The following THSD4 variants were observed in gnomAD, a reference collection of about 807,000 sequenced individuals.
THSD4 encodes the protein thrombospondin type-1 domain-containing protein 4.
Under a neutral mutation model 119.0 loss-of-function variants are expected in THSD4, and 69 were observed. The observed-to-expected ratio is 0.58, with a 90% CI of 0.48 to 0.71. THSD4 has a LOEUF of 0.71. Ranked by LOEUF, THSD4 falls within the 30% of genes least tolerant of loss-of-function variation. The pLI, the probability that THSD4 is intolerant of heterozygous loss-of-function variation, is 0.00. For synonymous variants in THSD4, 524 were observed against 540.4 expected (o/e 0.97, Z 0.42); for missense variants, 1,393 against 1,391.1 (o/e 1.00, Z -0.02).
At chr15:71,631,678 CT>C (rs1054129456) in intron 7 of THSD4, among the ~76,000 whole-genome samples, 8 of 152,220 alleles carry the variant, frequency 5.3e-5, no homozygotes, top group African/African-American at 1.9e-4. Context: ...CCCAGGAGGG[CT>C]TAGCCATCAG....
At chr15:71,682,891 TC>T (rs1567098770) in intron 8 of THSD4, among the ~76,000 whole-genome samples, 4 of 51,578 alleles carry the variant, frequency 7.8e-5, no homozygotes, top group African/African-American at 2.7e-4. Flanking sequence ...TTTCTTTCTT[TC>T]TTTCTTTCTT....
chr15:71,477,459 A>G (rs2047670075), intron 7 of THSD4, among the ~76,000 whole-genome samples: 1 of 152,226 alleles, frequency 6.6e-6, no homozygotes, highest in Admixed American at 6.5e-5. Context: ...TGCCTGGAAG[A>G]TGAAAGGACG....
chr15:71,474,226 ATT>A (rs5813635), intron 7 of THSD4, among the ~76,000 whole-genome samples: 2 of 148,564 alleles, frequency 1.3e-5, no homozygotes, highest in Admixed American at 6.7e-5. Context: ...ATTTTATTTT[ATT>A]TTTTTTTTTG....
Position 71,452,590 on chromosome 15 carries a change from G to A in THSD4, c.1152+40767G>A, listed in dbSNP as rs2047280927. Among the ~76,000 whole-genome samples, 3 of 151,916 alleles carry A rather than the reference G, an allele frequency of 2.0e-5. No individual in the cohort carries two copies. The South Asian group carries it at 6.2e-4, about 32-fold the overall frequency. On this transcript the variant is annotated intron_variant, in intron 7 of 17. Coordinates refer to ENST00000261862, the MANE Select transcript of THSD4 (RefSeq NM_024817.3). ...CAAGGTGATGGTATTTGGAGATGGG[G>A]CCTTTAGGAGGTAAATTTATTATTT...
chr15:71,602,595 A>AAAC (rs2050035074), intron 7 of THSD4, among the ~76,000 whole-genome samples: 1 of 140,166 alleles, frequency 7.1e-6, no homozygotes, highest in Non-Finnish European at 1.5e-5. Flanking sequence ...AAAGAAAAAC[A>AAAC]GTCTCTATCC....
At chr15:71,330,585 C>T (rs957307944) in intron 6 of THSD4, among the ~76,000 whole-genome samples, 2 of 152,134 alleles carry the variant, frequency 1.3e-5, no homozygotes, top group Non-Finnish European at 2.9e-5. Flanking sequence ...TCTATAGTTA[C>T]TATGAGGATT....
chr15:71,258,215 A>G (rs780355538), intron 6 of THSD4, among the ~76,000 whole-genome samples: 20 of 152,062 alleles, frequency 1.3e-4, no homozygotes, highest in African/African-American at 3.6e-4. Context: ...GTCTTGCACT[A>G]TTGCCCAGGC....
chr15:71,305,618 T>A (rs945524121), intron 6 of THSD4, among the ~76,000 whole-genome samples: 9 of 152,082 alleles, frequency 5.9e-5, no homozygotes, highest in African/African-American at 2.2e-4. Flanking sequence ...GGAGGATAAA[T>A]GAGATTGTTA....
intron 7 of THSD4, among the ~76,000 whole-genome samples, chr15:71,658,289 T>C (rs913784602): frequency 6.6e-6 from 1 of 152,232 alleles, no homozygotes; most frequent in Non-Finnish European, 1.5e-5. Flanking sequence ...CCCAGCAGGC[T>C]TGCACTTCAG....
chr15:71,583,017 T>G (rs1166591312), intron 7 of THSD4, among the ~76,000 whole-genome samples: 1 of 152,174 alleles, frequency 6.6e-6, no homozygotes, highest in Non-Finnish European at 1.5e-5. Flanking sequence ...AATCCTTCTT[T>G]AAAGGTTTGG....
chr15:71,556,338 C>T lies in THSD4; in HGVS notation c.1153-104192C>T, dbSNP rs1380699972. ...TCTAATAAAGTTTTACAATTTTCTA[C>T]ACAAAGGTCTTATACATCTTTATTT... On this transcript the variant is annotated intron_variant, in intron 7 of 17. Coordinates refer to ENST00000261862, the MANE Select transcript of THSD4 (RefSeq NM_024817.3). Among the ~76,000 whole-genome samples, 6 of 152,118 alleles carry T rather than the reference C, an allele frequency of 3.9e-5. No individual in the cohort carries two copies. The East Asian group carries it at 1.2e-3, about 29-fold the overall frequency.
intron 7 of THSD4, among the ~76,000 whole-genome samples, chr15:71,573,949 T>C (rs2049403357): frequency 6.6e-6 from 1 of 152,220 alleles, no homozygotes; most frequent in South Asian, 2.1e-4. Flanking sequence ...CTTTTAATCT[T>C]TTTAAAATGT....
intron 3 of THSD4, among the ~76,000 whole-genome samples, chr15:71,191,877 C>T (rs1397211061): frequency 6.8e-6 from 1 of 147,600 alleles, no homozygotes; most frequent in Non-Finnish European, 1.5e-5. Flanking sequence ...AGCACCACCT[C>T]CTATGCTTTG....
intron 6 of THSD4, among the ~76,000 whole-genome samples, chr15:71,298,703 C>A (rs913967191): frequency 6.6e-6 from 1 of 150,794 alleles, no homozygotes; most frequent in Non-Finnish European, 1.5e-5. Context: ...ATCTCTGCCT[C>A]CTGGGTTCAA....
At chr15:71,589,265 T>G (rs2049750253) in intron 7 of THSD4, among the ~76,000 whole-genome samples, 2 of 141,446 alleles carry the variant, frequency 1.4e-5, no homozygotes, top group Admixed American at 1.4e-4. Context: ...TAAGTCCTAT[T>G]TCATAAAATA....
rs79789609 is a variant in THSD4, at chr15:71,515,646, G to A, written c.1152+103823G>A. On this transcript the variant is annotated intron_variant, in intron 7 of 17. Transcript: ENST00000261862. ...CAAGGGCTGGGCTTGTAAATTAAGC[G>A]TGGCAGGCCTTTGAAATGCAGCTTG... Among the ~76,000 whole-genome samples the A allele has an allele frequency of 1.7e-3, 254 of 152,274 alleles. 1 individual carries two copies. The highest frequency in any genetic ancestry group is 5.2e-3 in the African/African-American group (215 of 41,560).
In THSD4 at chr15:71,255,238, C is replaced by G. The variant is rs1033336958; in HGVS notation, c.913-1375C>G. 3.9e-5 allele frequency among the ~76,000 whole-genome samples: 6 copies of G among 152,088 alleles called. No homozygotes were observed. The East Asian group carries it at 9.7e-4, about 24-fold the overall frequency. On this transcript the variant is annotated intron_variant, in intron 5 of 17. Coordinates refer to ENST00000261862, the MANE Select transcript of THSD4 (RefSeq NM_024817.3). ...TTCTGATTATTCACACACACACACACAAACACACACACACACATACACACT... is the reference window on the plus strand; with the variant it reads ...TTCTGATTATTCACACACACACACAGAAACACACACACACACATACACACT...
At chr15:71,339,707 G>A (rs561750072) in intron 6 of THSD4, among the ~76,000 whole-genome samples, 2 of 152,160 alleles carry the variant, frequency 1.3e-5, no homozygotes, top group East Asian at 3.9e-4. Context: ...CTACCTCATA[G>A]GGATGTTATG....
intron 8 of THSD4, among the ~76,000 whole-genome samples, chr15:71,671,957 T>G (rs929325532): frequency 6.6e-6 from 1 of 152,330 alleles, no homozygotes; most frequent in African/African-American, 2.4e-5. Flanking sequence ...AGGATTGTCT[T>G]GGCAATGCGG....
Sources: allele counts gnomAD v4.1 joint callset (sites outside exome capture counted in the v4.1 genomes callset), GRCh38; gene constraint gnomAD v4.1.1; transcripts MANE v1.5; gene names NCBI Gene and HGNC (gene_info 2026-07-23, HGNC 2026-07-21).